The following OPA3 variants were observed in gnomAD, a reference collection of about 807,000 sequenced individuals.
OPA3 encodes optic atrophy 3 protein.
OPA3 carries 6 observed loss-of-function variants against 4.0 expected under a neutral mutation model. The ratio of observed to expected loss-of-function variants is 1.51; its 90% CI spans 0.83 to 2.99. The LOEUF (loss-of-function observed/expected upper bound fraction) is 2.99. Ranked by LOEUF, OPA3 falls within the 30% of genes most tolerant of loss-of-function variation. The probability of loss-of-function intolerance (pLI) is 0.00; values close to 1 mark genes in which losing one functional copy is unlikely to be tolerated. For missense variants in OPA3, 235 were observed against 256.2 expected (o/e 0.92, Z 0.56); for synonymous variants, 105 against 117.1 (o/e 0.90, Z 0.67).
chr19:45,531,953 C>G (rs1410211995), intron 1 of OPA3, among the ~76,000 whole-genome samples: 2 of 152,170 alleles, frequency 1.3e-5, no homozygotes, highest in African/African-American at 2.4e-5. Flanking sequence ...GCCTTTTACT[C>G]CTGGGAGGTA....
chr19:45,559,476 A>G (rs1464159476), intron 1 of OPA3, among the ~76,000 whole-genome samples: 1 of 128,240 alleles, frequency 7.8e-6, no homozygotes, highest in African/African-American at 3.0e-5. Flanking sequence ...ATCTCGGCTC[A>G]CTGCAACCTC....
chr19:45,578,815 C>T (rs762053283), intron 1 of OPA3, among the ~76,000 whole-genome samples: 21 of 151,874 alleles, frequency 1.4e-4, no homozygotes, highest in Admixed American at 2.6e-4. Context: ...TGTCGGAGTG[C>T]GACTCTGTCT....
downstream of OPA3, among the ~76,000 whole-genome samples, chr19:45,541,657 T>C (rs1216297041): frequency 1.3e-5 from 2 of 152,108 alleles, no homozygotes; most frequent in Non-Finnish European, 2.9e-5. Flanking sequence ...CTCGACCTCC[T>C]GGGCTCAAGC....
chr19:45,565,029 A>C (rs1042150277), intron 1 of OPA3, among the ~76,000 whole-genome samples: 1 of 151,062 alleles, frequency 6.6e-6, no homozygotes, highest in Non-Finnish European at 1.5e-5. Flanking sequence ...GATCGAGACC[A>C]TCCTGGCCAA....
intron 1 of OPA3, among the ~76,000 whole-genome samples, chr19:45,575,787 G>T (rs1969757711): frequency 6.6e-6 from 1 of 152,024 alleles, no homozygotes; most frequent in Admixed American, 6.6e-5. Context: ...TTTATTTTTA[G>T]TAGGGACAAG....
chr19:45,565,447 T>C (rs890496738), intron 1 of OPA3, among the ~76,000 whole-genome samples: 15 of 150,974 alleles, frequency 9.9e-5, no homozygotes, highest in East Asian at 2.0e-4. Flanking sequence ...CTGGCCAACA[T>C]GGTAAAAACC....
At chr19:45,557,731 G>A (rs1399851520) in intron 1 of OPA3, among the ~76,000 whole-genome samples, 12 of 152,138 alleles carry the variant, frequency 7.9e-5, no homozygotes, top group Admixed American at 7.9e-4. Context: ...TGAATAGGAG[G>A]AATACAGCCT....
At chr19:45,559,641 G>A (rs1969475927) in intron 1 of OPA3, among the ~76,000 whole-genome samples, 1 of 151,696 alleles carries the variant, frequency 6.6e-6, no homozygotes, top group South Asian at 2.1e-4. Context: ...GACCTCACGT[G>A]ATCCACCCGC....
intron 1 of OPA3, among the ~76,000 whole-genome samples, chr19:45,556,599 C>T (rs889476764): frequency 6.6e-6 from 1 of 152,088 alleles, no homozygotes; most frequent in Non-Finnish European, 1.5e-5. Context: ...CTCAAGCAAT[C>T]ATCCTGCCTC....
chr19:45,553,166 C>T lies in OPA3; in HGVS notation c.*348G>A. 2 of 1,268,612 alleles carry T rather than the reference C, an allele frequency of 1.6e-6. No individual in the cohort carries two copies. The highest frequency in any genetic ancestry group is 1.0e-6 in the Non-Finnish European group (1 of 997,412). The allele number at this position is 1,268,612 out of a possible 1,614,324, so 78.6% of individuals were successfully genotyped here. A position where few individuals can be genotyped will look rare whatever the true frequency, so the allele number is the denominator to read the frequency against. ...TAAAGGTTAACACTGATCAGGTAAACCGGGGGTGGGGGTAACAATAACACA... is the reference window on the plus strand; with the variant it reads ...TAAAGGTTAACACTGATCAGGTAAATCGGGGGTGGGGGTAACAATAACACA... On this transcript the variant is annotated 3_prime_UTR_variant, in exon 2 of 2. Transcript: ENST00000263275.
intron 1 of OPA3, among the ~76,000 whole-genome samples, chr19:45,570,982 G>GT (rs1969655903): frequency 7.3e-6 from 1 of 137,172 alleles, no homozygotes; most frequent in Non-Finnish European, 1.6e-5. Context: ...ACTATTTGGG[G>GT]GGGGGGGGCA....
In OPA3 at chr19:45,536,073, T is replaced by G. The variant is rs567447175; in HGVS notation, c.143-6617A>C. Among the ~76,000 whole-genome samples the G allele has an allele frequency of 4.8e-4, 64 of 133,090 alleles. 1 individual carries two copies. The Middle Eastern group carries it at 0.016, about 34-fold the overall frequency. The allele number at this position is 133,090 out of a possible 152,430, so 87.3% of individuals were successfully genotyped here. A position where few individuals can be genotyped will look rare whatever the true frequency, so the allele number is the denominator to read the frequency against. ...GAAACCCTGTCTCTACTGAAAAAATTAAAAAATTAGCCAGGTGTGGTGGCA... is the reference window on the plus strand; with the variant it reads ...GAAACCCTGTCTCTACTGAAAAAATGAAAAAATTAGCCAGGTGTGGTGGCA... On this transcript the variant is annotated intron_variant, in intron 1 of 1. Transcript: ENST00000323060.
chr19:45,565,679 T>A lies in OPA3; in HGVS notation c.143-11768A>T, dbSNP rs572595145. On this transcript the variant is annotated intron_variant, in intron 1 of 1. Coordinates refer to ENST00000263275, the MANE Select transcript of OPA3 (RefSeq NM_025136.4). ...TTTTGTAATTCTAGTAGAGACAGGG[T>A]TTCACCATATTGGTAAGGCTGGTCT... 7.9e-5 allele frequency among the ~76,000 whole-genome samples: 12 copies of A among 152,124 alleles called. No homozygotes were observed. In the South Asian group the frequency reaches 2.5e-3, roughly 32 times the overall value.
chr19:45,532,506 A>G (rs943055857), intron 1 of OPA3, among the ~76,000 whole-genome samples: 1 of 151,520 alleles, frequency 6.6e-6, no homozygotes, highest in African/African-American at 2.4e-5. Flanking sequence ...CCTCCTCTCC[A>G]TTTTCTCCTA....
chr19:45,539,412 C>T (rs574590059), intron 1 of OPA3, among the ~76,000 whole-genome samples: 43 of 152,156 alleles, frequency 2.8e-4, no homozygotes, highest in African/African-American at 9.9e-4. Flanking sequence ...GGCAACATGG[C>T]GAAACCCCTT....
At chr19:45,529,229 C>T (rs1969030756) in exon 2 of OPA3, 4 of 1,613,026 alleles carry the variant, frequency 2.5e-6, no homozygotes, top group Non-Finnish European at 3.4e-6. Context: ...CCCACCTCGC[C>T]CCGCAGCGCC....
At chr19:45,529,373 C>T (rs1969033345) in exon 2 of OPA3, 11 of 1,614,086 alleles carry the variant, frequency 6.8e-6, no homozygotes, top group Non-Finnish European at 9.3e-6. Context: ...AGCTCGGCGG[C>T]TGCACCCTCG....
rs563811459 is a variant in OPA3, at chr19:45,553,405, C to T, written c.*109G>A. On this transcript the variant is annotated 3_prime_UTR_variant, in exon 2 of 2. Transcript: ENST00000263275. ...GGGGTAACCAAATGCCAAGTTGCAT[C>T]AAGATCCTGGTGGTTTCCACTGGGC... 1.9e-6 allele frequency: 3 copies of T among 1,593,444 alleles called. No individual in the cohort carries two copies. The African/African-American group carries it at 4.0e-5, about 21-fold the overall frequency.
intron 1 of OPA3, among the ~76,000 whole-genome samples, chr19:45,559,122 G>C (rs4643448): frequency 1.3e-5 from 2 of 152,020 alleles, no homozygotes; most frequent in Non-Finnish European, 2.9e-5. Flanking sequence ...GACCTCAAGT[G>C]ATCCATTCAC....
Sources: gnomAD v4.1 joint callset for allele counts (sites outside exome capture counted in the v4.1 genomes callset) on GRCh38, gnomAD v4.1.1 for gene constraint, MANE v1.5 for transcripts, NCBI Gene and HGNC (gene_info 2026-07-23, HGNC 2026-07-21) for gene names.